Variants in SRGAP1 observed in about 807,000 individuals in gnomAD.
SRGAP1 encodes the protein SLIT-ROBO Rho GTPase-activating protein 1.
In SRGAP1, 43 loss-of-function variants were observed where a neutral mutation model predicts 121.9. That is an observed-to-expected ratio of 0.35 (90% confidence interval 0.28 to 0.46). The LOEUF is 0.46. Among genes scored for constraint, SRGAP1 ranks in the 20% least tolerant of loss-of-function variants. The pLI, the probability that SRGAP1 is intolerant of heterozygous loss-of-function variation, is 1.00. For missense variants in SRGAP1, 1,102 were observed against 1,350.9 expected (o/e 0.82, Z 2.89); for synonymous variants, 447 against 485.4 (o/e 0.92, Z 1.04).
chr12:64,000,811 G>C (rs7957913), intron 3 of SRGAP1, among the ~76,000 whole-genome samples: 47,608 of 152,030 alleles, frequency 0.31, 7,881 homozygotes, highest in East Asian at 0.51. Context: ...ATGGATGCGG[G>C]ATTCTCTATT....
rs140692834 is a variant in SRGAP1 at position 63,893,067 on chromosome 12, A to G, written c.67+48184A>G. On this transcript the variant is annotated intron_variant, in intron 1 of 21. Transcript: ENST00000355086. Reference sequence around the variant, plus strand: ...TAGGATCTTTGGAATTCTGTGCGACATATCTAAGCTATTGCTACATGAATC... The same window carrying G: ...TAGGATCTTTGGAATTCTGTGCGACGTATCTAAGCTATTGCTACATGAATC... 2.6e-5 allele frequency among the ~76,000 whole-genome samples: 4 copies of G among 152,324 alleles called. No homozygotes were observed. In the East Asian group the frequency reaches 7.7e-4, roughly 29 times the overall value.
intron 14 of SRGAP1, among the ~76,000 whole-genome samples, chr12:64,096,949 G>A (rs1314222025): frequency 6.6e-6 from 1 of 152,038 alleles, no homozygotes; most frequent in Non-Finnish European, 1.5e-5. Context: ...AAAAAGTGGG[G>A]GTTGGGTAAA....
intron 1 of SRGAP1, among the ~76,000 whole-genome samples, chr12:63,859,757 A>G (rs1899383785): frequency 6.6e-6 from 1 of 152,212 alleles, no homozygotes; most frequent in Non-Finnish European, 1.5e-5. Context: ...CATCAGCATG[A>G]AATGGAATAC....
At chr12:63,912,607 C>T (rs960479686) in intron 1 of SRGAP1, among the ~76,000 whole-genome samples, 1 of 144,102 alleles carries the variant, frequency 6.9e-6, no homozygotes, top group Non-Finnish European at 1.5e-5. Flanking sequence ...GAACAAGACT[C>T]CATTTTAAAA....
intron 1 of SRGAP1, among the ~76,000 whole-genome samples, chr12:63,932,433 C>T (rs965417865): frequency 6.6e-6 from 1 of 152,168 alleles, no homozygotes; most frequent in Admixed American, 6.5e-5. Context: ...CAAAGAAATA[C>T]AATATGCAGA....
In SRGAP1 at chr12:63,894,433, G is replaced by A. The variant is rs536545692; in HGVS notation, c.67+49550G>A. On this transcript the variant is annotated intron_variant, in intron 1 of 21. Transcript: ENST00000355086. ...GGTAAAAGTCTCTTCGCTCATTGTA[G>A]CATCCTACCCCAAATGCTCCTTCAG... Among the ~76,000 whole-genome samples the A allele has an allele frequency of 4.6e-5, 7 of 151,306 alleles. No homozygotes were observed. In the South Asian group the frequency reaches 1.5e-3, roughly 32 times the overall value.
intron 1 of SRGAP1, chr12:63,888,383 A>G (rs896185057): frequency 5.3e-5 from 8 of 152,136 alleles, no homozygotes; most frequent in Admixed American, 3.9e-4. Context: ...GTTTCTGCAT[A>G]TAGAGATTAG....
Position 63,915,193 on chromosome 12 carries a change from T to C in SRGAP1, c.68-68754T>C, listed in dbSNP as rs184705091. Among the ~76,000 whole-genome samples, 283 of 152,354 alleles carry C rather than the reference T, an allele frequency of 1.9e-3. 2 individuals are homozygous for C. Among genetic ancestry groups the C allele is most frequent in the Middle Eastern group, 0.01 (3 of 294 alleles). ...TAAAAATTAATCTGGAGATATTCCA[T>C]GCTAAGGGCTTGTTAAATAAGCAAC... On this transcript the variant is annotated intron_variant, in intron 1 of 21. Coordinates refer to ENST00000355086, the MANE Select transcript of SRGAP1 (RefSeq NM_020762.4).
chr12:64,074,477 G>T (rs1447312424), intron 8 of SRGAP1, among the ~76,000 whole-genome samples: 2 of 152,086 alleles, frequency 1.3e-5, no homozygotes, highest in African/African-American at 4.8e-5. Flanking sequence ...TAGATGCTAT[G>T]CACTCCTACT....
At chr12:63,980,391 G>A (rs1006606485) in intron 1 of SRGAP1, among the ~76,000 whole-genome samples, 23 of 152,206 alleles carry the variant, frequency 1.5e-4, no homozygotes, top group Middle Eastern at 3.4e-3. Context: ...AAATTTATGC[G>A]ACCAATCATT....
intron 1 of SRGAP1, among the ~76,000 whole-genome samples, chr12:63,950,031 G>A (rs943610213): frequency 2.6e-5 from 4 of 152,186 alleles, no homozygotes; most frequent in African/African-American, 9.7e-5. Context: ...CGGTGATTGT[G>A]TTGAGCATTT....
chr12:63,979,403 T>C (rs1207213665), intron 1 of SRGAP1, among the ~76,000 whole-genome samples: 6 of 152,162 alleles, frequency 3.9e-5, no homozygotes, highest in Non-Finnish European at 8.8e-5. Context: ...GTGTATTCTG[T>C]ATACAAGTTC....
chr12:64,109,113 G>T, intron 16 of SRGAP1, 76 bp downstream of exon 16: 1 of 974,030 alleles, frequency 1.0e-6, no homozygotes, highest in South Asian at 2.7e-5. Context: ...AATGTACGTT[G>T]GGTTCCATTT....
Position 64,148,606 on chromosome 12 carries a change from A to G in SRGAP1, c.*5934A>G, listed in dbSNP as rs886663557. 15 of 152,216 alleles carry G rather than the reference A, an allele frequency of 9.9e-5. No homozygotes were observed. Among genetic ancestry groups the G allele is most frequent in the African/African-American group, 3.6e-4 (15 of 41,544 alleles). 9.4% of individuals were successfully genotyped at this position (152,216 alleles called of 1,614,324 possible). On this transcript the variant is annotated 3_prime_UTR_variant, in exon 22 of 22. Transcript: ENST00000355086. ...GGCCAGGTATTTTTCTTTAAATATAAAAAAAAGATAACTTGAGGTCTAGCA... is the reference window on the plus strand; with the variant it reads ...GGCCAGGTATTTTTCTTTAAATATAGAAAAAAGATAACTTGAGGTCTAGCA...
At chr12:63,954,401 G>C (rs969097031) in intron 1 of SRGAP1, among the ~76,000 whole-genome samples, 1 of 152,130 alleles carries the variant, frequency 6.6e-6, no homozygotes, top group African/African-American at 2.4e-5. Flanking sequence ...AAAAAGCACT[G>C]GGCGCCATGG....
At chr12:64,053,909 T>C (rs907998533) in intron 6 of SRGAP1, among the ~76,000 whole-genome samples, 6 of 152,150 alleles carry the variant, frequency 3.9e-5, no homozygotes, top group African/African-American at 1.4e-4. Context: ...AGAGTACAAG[T>C]CTTAATGCTA....
At chr12:64,029,301 T>C (rs1483047443) in intron 4 of SRGAP1, among the ~76,000 whole-genome samples, 2 of 152,246 alleles carry the variant, frequency 1.3e-5, no homozygotes, top group African/African-American at 4.8e-5. Context: ...AAAAGCATTG[T>C]TGCTTCTGCT....
intron 6 of SRGAP1, among the ~76,000 whole-genome samples, chr12:64,053,330 A>G (rs2035275541): frequency 6.6e-6 from 1 of 152,212 alleles, no homozygotes; most frequent in South Asian, 2.1e-4. Context: ...TATTGCAGTC[A>G]GACTTTCTTT....
chr12:64,136,240 G>A, intron 21 of SRGAP1, among the ~76,000 whole-genome samples: 1 of 152,126 alleles, frequency 6.6e-6, no homozygotes, highest in East Asian at 1.9e-4. Flanking sequence ...GGTGGTGCAT[G>A]TCTGCAATCC....
Sources: gnomAD v4.1 joint callset for allele counts (sites outside exome capture counted in the v4.1 genomes callset) on GRCh38, gnomAD v4.1.1 for gene constraint, MANE v1.5 for transcripts, NCBI Gene and HGNC (gene_info 2026-07-23, HGNC 2026-07-21) for gene names.